The following THEMIS variants were observed in gnomAD, a reference collection of about 807,000 sequenced individuals.
The protein encoded by THEMIS is thymocyte selection associated, also known as protein THEMIS.
In THEMIS, 37 loss-of-function variants were observed where a neutral mutation model predicts 52.6. The ratio of observed to expected loss-of-function variants is 0.70; its 90% confidence interval spans 0.54 to 0.93. The LOEUF (loss-of-function observed/expected upper bound fraction) is 0.93. Among genes scored for constraint, THEMIS ranks in the 40% least tolerant of loss-of-function variants. THEMIS has a pLI of 0.00. For missense variants in THEMIS, 808 were observed against 763.1 expected (o/e 1.06, Z -0.69); for synonymous variants, 292 against 272.7 (o/e 1.07, Z -0.70).
intron 2 of THEMIS, among the ~76,000 whole-genome samples, chr6:127,848,537 A>T (rs781646): frequency 0.016 from 2,410 of 152,092 alleles, 51 homozygotes; most frequent in African/African-American, 0.054. Flanking sequence ...TTACAGTCCC[A>T]CCAACAGTGT....
intron 3 of THEMIS, among the ~76,000 whole-genome samples, chr6:127,815,527 T>A (rs1437242979): frequency 2.6e-5 from 4 of 151,998 alleles, no homozygotes; most frequent in Non-Finnish European, 5.9e-5. Flanking sequence ...GTAAAAAAAA[T>A]AAAAAATCAG....
At chr6:127,859,872 T>G (rs945793962) in intron 1 of THEMIS, among the ~76,000 whole-genome samples, 1 of 152,142 alleles carries the variant, frequency 6.6e-6, no homozygotes, top group Admixed American at 6.6e-5. Context: ...CCATATCCAC[T>G]GGGGTTGCCA....
chr6:127,822,629 T>C (rs1342649), intron 3 of THEMIS, among the ~76,000 whole-genome samples: 109,261 of 152,048 alleles, frequency 0.72, 40,485 homozygotes, highest in East Asian at 1. Context: ...TGTATCCCAT[T>C]GATGTTTGTA....
chr6:127,881,340 T>A (rs529448200), intron 1 of THEMIS, among the ~76,000 whole-genome samples: 3 of 152,176 alleles, frequency 2.0e-5, no homozygotes, highest in African/African-American at 7.2e-5. Flanking sequence ...TTCACAGAAT[T>A]TGAAAATCTA....
chr6:127,799,553 A>T lies in THEMIS; in HGVS notation c.1758+13330T>A, dbSNP rs145490994. Among the ~76,000 whole-genome samples the T allele has an allele frequency of 1.8e-3, 266 of 144,608 alleles. 1 individual carries two copies. Among genetic ancestry groups the T allele is most frequent in the Admixed American group, 4.3e-3 (62 of 14,356 alleles). The allele number at this position is 144,608 out of a possible 152,430, so 94.9% of individuals were successfully genotyped here. A position where few individuals can be genotyped will look rare whatever the true frequency, so the allele number is the denominator to read the frequency against. On this transcript the variant is annotated intron_variant, in intron 4 of 5. Coordinates refer to ENST00000368248, the MANE Select transcript of THEMIS (RefSeq NM_001010923.3). The stretch of plus-strand genomic sequence containing the variant: ...TCTCTTTCTTTCTTTCTTTCTTTCT[A>T]TCTTTCTTTCTTTCTTTCTTTCTTT...
chr6:127,718,623 A>G (rs893611295), intron 5 of THEMIS, among the ~76,000 whole-genome samples: 1 of 152,014 alleles, frequency 6.6e-6, no homozygotes, highest in African/African-American at 2.4e-5. Context: ...GTTCCAATGA[A>G]TTAATAATGG....
intron 4 of THEMIS, among the ~76,000 whole-genome samples, chr6:127,756,037 A>G (rs1292757473): frequency 6.6e-6 from 1 of 151,624 alleles, no homozygotes. Flanking sequence ...AAAAAAAAAC[A>G]CAAAAAACAA....
intron 2 of THEMIS, among the ~76,000 whole-genome samples, chr6:127,849,902 T>G (rs534230634): frequency 6.6e-6 from 1 of 152,078 alleles, no homozygotes; most frequent in Non-Finnish European, 1.5e-5. Context: ...CTAATTAAAC[T>G]GAAGAGTTTC....
At chr6:127,818,987 G>A (rs1778231473) in intron 3 of THEMIS, among the ~76,000 whole-genome samples, 2 of 151,544 alleles carry the variant, frequency 1.3e-5, no homozygotes, top group Admixed American at 1.3e-4. Flanking sequence ...GCGCATGGTG[G>A]CATGCACCCG....
downstream of THEMIS, among the ~76,000 whole-genome samples, chr6:127,706,029 C>A (rs961387274): frequency 7.9e-5 from 12 of 152,044 alleles, no homozygotes; most frequent in African/African-American, 2.9e-4. Flanking sequence ...AACCACTGAA[C>A]GAGTATCTTC....
At chr6:127,735,845 C>T in intron 4 of THEMIS, among the ~76,000 whole-genome samples, 2 of 152,154 alleles carry the variant, frequency 1.3e-5, no homozygotes, top group East Asian at 3.8e-4. Flanking sequence ...AATGATTCTT[C>T]CAACATCAGG....
At chr6:127,911,945 C>G (rs1030091507) in intron 1 of THEMIS, among the ~76,000 whole-genome samples, 2 of 147,390 alleles carry the variant, frequency 1.4e-5, no homozygotes, top group Non-Finnish European at 2.9e-5. Flanking sequence ...AGAAAAGCCA[C>G]AGATATTGTG....
At chr6:127,809,939 T>G (rs1777844404) in intron 4 of THEMIS, among the ~76,000 whole-genome samples, 1 of 151,234 alleles carries the variant, frequency 6.6e-6, no homozygotes, top group African/African-American at 2.4e-5. Flanking sequence ...CTTTAACAGC[T>G]CCTTACAAAC....
At chr6:127,801,971 A>T (rs908350021) in intron 4 of THEMIS, among the ~76,000 whole-genome samples, 2 of 152,200 alleles carry the variant, frequency 1.3e-5, no homozygotes, top group African/African-American at 2.4e-5. Context: ...TGGAAGGAAC[A>T]TACAGTTGGA....
chr6:127,712,849 A>G (rs954171605), intron 5 of THEMIS, among the ~76,000 whole-genome samples: 7 of 151,992 alleles, frequency 4.6e-5, no homozygotes, highest in African/African-American at 1.7e-4. Flanking sequence ...TAGAATAAGA[A>G]GGTTAAAGTG....
At chr6:127,814,556 A>G in intron 3 of THEMIS, among the ~76,000 whole-genome samples, 1 of 152,190 alleles carries the variant, frequency 6.6e-6, no homozygotes, top group East Asian at 1.9e-4. Flanking sequence ...TATTTTTCCA[A>G]TGTCAAAGTT....
At chr6:127,791,287 T>A (rs1229194700) in intron 4 of THEMIS, among the ~76,000 whole-genome samples, 3 of 152,024 alleles carry the variant, frequency 2.0e-5, no homozygotes, top group Admixed American at 2.0e-4. Flanking sequence ...CATCCCAATA[T>A]CTGTTCAGCT....
At chr6:127,741,671 C>A (rs550461831) in intron 4 of THEMIS, among the ~76,000 whole-genome samples, 2 of 152,314 alleles carry the variant, frequency 1.3e-5, no homozygotes, top group Admixed American at 6.5e-5. Context: ...TTCAGTAAAT[C>A]CTTTGCTGCA....
intron 4 of THEMIS, among the ~76,000 whole-genome samples, chr6:127,757,632 G>A (rs970580076): frequency 8.5e-5 from 13 of 152,112 alleles, no homozygotes; most frequent in East Asian, 1.9e-4. Context: ...ACAGGCGCCC[G>A]CCACCACGCC....
Sources: gnomAD v4.1 joint callset for allele counts (sites outside exome capture counted in the v4.1 genomes callset) on GRCh38, gnomAD v4.1.1 for gene constraint, MANE v1.5 for transcripts, NCBI Gene and HGNC (gene_info 2026-07-23, HGNC 2026-07-21) for gene names.